Variants in ZNHIT6 observed in about 807,000 individuals in gnomAD.
ZNHIT6 encodes the protein zinc finger HIT-type containing 6.
In ZNHIT6, 45 loss-of-function variants were observed where a neutral mutation model predicts 57.2. That is an observed-to-expected ratio of 0.79 (90% CI 0.62 to 1.01). The LOEUF (loss-of-function observed/expected upper bound fraction) is 1.01, where lower values mean the gene tolerates loss of function less well. Ranked by LOEUF, ZNHIT6 falls within the 50% of genes least tolerant of loss-of-function variation. The pLI is 0.00. For synonymous variants in ZNHIT6, 188 were observed against 190.0 expected, an observed-to-expected ratio of 0.99 and a Z score of 0.09; for missense variants, 528 against 567.3, an observed-to-expected ratio of 0.93 and a Z score of 0.70.
chr1:85,667,961 A>AAAAAAAAAAAAAAAATGTATATAT lies in ZNHIT6; in HGVS notation c.1247+9274_1247+9275insATATATACATTTTTTTTTTTTTTT. On this transcript the variant is annotated intron_variant, in intron 8 of 9. Transcript: ENST00000370574. ...ACTCTCTCTTTCAAAAAAAAAAAAA[A>AAAAAAAAAAAAAAAATGTATATAT]ATATATATATATATATATATATATG... Among the ~76,000 whole-genome samples the AAAAAAAAAAAAAAAATGTATATAT allele has an allele frequency of 4.9e-4, 9 of 18,200 alleles. 4 individuals are homozygous for AAAAAAAAAAAAAAAATGTATATAT. Among genetic ancestry groups the AAAAAAAAAAAAAAAATGTATATAT allele is most frequent in the African/African-American group, 6.4e-4 (3 of 4,710 alleles). The allele number at this position is 18,200 out of a possible 152,430, so 11.9% of individuals were successfully genotyped here.
rs898447377 is a variant in ZNHIT6 at position 85,707,982 on chromosome 1, C to T, written c.303G>A (p.Val101=). 2 of 1,614,036 alleles carry T rather than the reference C, an allele frequency of 1.2e-6. No individual in the cohort carries two copies. The highest frequency in any genetic ancestry group is 1.7e-5 in the Admixed American group (1 of 59,994). The change falls in exon 1 of 10, where the codon GTG becomes GTA. Residue 101 remains valine (V), a synonymous_variant. Coordinates refer to ENST00000370574, the MANE Select transcript of ZNHIT6 (RefSeq NM_017953.4). ...CATCCTTCACCTCAGGCCTATCCTC[C>T]ACCTCCTGTTCTACCCACTGGCCAG... ...RLAGQWVEQE[V]EDRPEVKDEN...
intron 5 of ZNHIT6, among the ~76,000 whole-genome samples, chr1:85,690,639 T>G (rs968172252): frequency 1.3e-5 from 2 of 152,166 alleles, no homozygotes; most frequent in African/African-American, 4.8e-5. Context: ...CTGACTGAAC[T>G]AATTGAGAAT....
rs1343093891 is a variant in ZNHIT6 at position 85,649,532 on chromosome 1, G to A, written c.*4526C>T. On this transcript the variant is annotated 3_prime_UTR_variant, in exon 10 of 10. Coordinates refer to ENST00000370574, the MANE Select transcript of ZNHIT6 (RefSeq NM_017953.4). ...GGTTCTAAAGTTCAAAATGAGTACA[G>A]TACATCACACTCCAGTATGGAAAAT... 1.3e-5 allele frequency: 2 copies of A among 152,142 alleles called. No homozygotes were observed. The highest frequency in any genetic ancestry group is 4.8e-5 in the African/African-American group (2 of 41,422). The allele number at this position is 152,142 out of a possible 1,614,324, so 9.4% of individuals were successfully genotyped here. A position where few individuals can be genotyped will look rare whatever the true frequency, so the allele number is the denominator to read the frequency against.
intron 5 of ZNHIT6, among the ~76,000 whole-genome samples, chr1:85,693,188 T>C (rs1294735588): frequency 6.6e-6 from 1 of 152,066 alleles, no homozygotes; most frequent in Non-Finnish European, 1.5e-5. Context: ...AGGTCAAAAA[T>C]TGGGTCCATT....
chr1:85,685,048 G>T (rs1661989085), intron 5 of ZNHIT6, among the ~76,000 whole-genome samples: 1 of 152,174 alleles, frequency 6.6e-6, no homozygotes, highest in Non-Finnish European at 1.5e-5. Context: ...CTAAGGAAGT[G>T]TGGCAAAAGT....
chr1:85,675,421 TTTCTGAGCAGTAGACTTAAAATA>T (rs1661674358), intron 8 of ZNHIT6, among the ~76,000 whole-genome samples: 1 of 152,216 alleles, frequency 6.6e-6, no homozygotes, highest in African/African-American at 2.4e-5. Context: ...CAAACTTTTT[TTTCTGAGCAGTAGACTTAAAATA>T]TTCAGTAAAC....
At chr1:85,695,634 T>C (rs1282913789) in intron 5 of ZNHIT6, among the ~76,000 whole-genome samples, 2 of 152,234 alleles carry the variant, frequency 1.3e-5, no homozygotes, top group East Asian at 1.9e-4. Flanking sequence ...TAGAGTAACA[T>C]GTAATGCCCT....
At chr1:85,675,919 C>T (rs1045001277) in intron 8 of ZNHIT6, among the ~76,000 whole-genome samples, 4 of 152,218 alleles carry the variant, frequency 2.6e-5, no homozygotes, top group African/African-American at 9.6e-5. Flanking sequence ...TCCCTCACCT[C>T]TCTCAGCCTT....
At chr1:85,679,049 C>T (rs1258373502) in intron 6 of ZNHIT6, among the ~76,000 whole-genome samples, 1 of 152,038 alleles carries the variant, frequency 6.6e-6, no homozygotes, top group Non-Finnish European at 1.5e-5. Flanking sequence ...TATGAAGCCT[C>T]TTAACACACA....
At chr1:85,675,412 A>G (rs2100672942) in intron 8 of ZNHIT6, among the ~76,000 whole-genome samples, 1 of 152,328 alleles carries the variant, frequency 6.6e-6, no homozygotes, top group South Asian at 2.1e-4. Flanking sequence ...TTTTGAAAAC[A>G]AACTTTTTTT....
Position 85,653,756 on chromosome 1 carries a change from A to C in ZNHIT6, c.*302T>G. The C allele has an allele frequency of 3.8e-6, 1 of 260,398 alleles. No individual in the cohort carries two copies. Among genetic ancestry groups the C allele is most frequent in the Non-Finnish European group, 7.1e-6 (1 of 139,886 alleles). 16.1% of individuals were successfully genotyped at this position (260,398 alleles called of 1,614,324 possible). A position where few individuals can be genotyped will look rare whatever the true frequency, so the allele number is the denominator to read the frequency against. ...CCCCATCTCAAAAAAAGAAAGAAAA[A>C]AGAAAAAAAAAGTTTTCAGTTTATG... On this transcript the variant is annotated 3_prime_UTR_variant, in exon 10 of 10. Coordinates refer to ENST00000370574, the MANE Select transcript of ZNHIT6 (RefSeq NM_017953.4).
At position 85,657,887 on chromosome 1, in the gene ZNHIT6, T is replaced by C. The variant is rs973251032; in HGVS notation, c.1332A>G (p.Val444=). ...TCATGTCATTATTGGATCCTTTCAA[T>C]ACCACATGTAATGTTGGATACTCAA... ...VIIEYPTLHV[V]LKGSNNDMKV... Residue 444 remains valine (V), a synonymous_variant, in exon 9 of 10, where the codon GTA becomes GTG. Transcript: ENST00000370574. 2.7e-5 allele frequency: 44 copies of C among 1,608,348 alleles called. No individual in the cohort carries two copies. Among genetic ancestry groups the C allele is most frequent in the Admixed American group, 6.7e-5 (4 of 59,604 alleles).
chr1:85,696,082 C>G (rs562286916), intron 5 of ZNHIT6, among the ~76,000 whole-genome samples: 1 of 152,036 alleles, frequency 6.6e-6, no homozygotes, highest in Non-Finnish European at 1.5e-5. Flanking sequence ...TTTTTCTTAT[C>G]TAACAGACAC....
chr1:85,669,811 C>T (rs906757079), intron 8 of ZNHIT6, among the ~76,000 whole-genome samples: 25 of 152,120 alleles, frequency 1.6e-4, no homozygotes, highest in African/African-American at 1.4e-4. Flanking sequence ...CTATCTTTTG[C>T]GGTATTTATC....
chr1:85,666,119 C>CTAT (rs1436922562), intron 8 of ZNHIT6, among the ~76,000 whole-genome samples: 1 of 151,944 alleles, frequency 6.6e-6, no homozygotes, highest in Non-Finnish European at 1.5e-5. Context: ...CAATGGTGTA[C>CTAT]TATAAGGAAT....
At chr1:85,688,229 T>A (rs1662120643) in intron 5 of ZNHIT6, among the ~76,000 whole-genome samples, 1 of 152,148 alleles carries the variant, frequency 6.6e-6, no homozygotes, top group African/African-American at 2.4e-5. Flanking sequence ...TAAAATATTA[T>A]TATTTCATTT....
intron 7 of ZNHIT6, among the ~76,000 whole-genome samples, chr1:85,678,007 A>G (rs1441124917): frequency 1.5e-5 from 2 of 136,982 alleles, no homozygotes; most frequent in African/African-American, 5.1e-5. Flanking sequence ...TAACAACCCT[A>G]TCTAGGAAGT....
chr1:85,692,269 C>T lies in ZNHIT6; in HGVS notation c.1019+9888G>A, dbSNP rs1470710127. 5.9e-5 allele frequency among the ~76,000 whole-genome samples: 9 copies of T among 152,184 alleles called. No individual in the cohort carries two copies. The South Asian group carries it at 1.0e-3, about 18-fold the overall frequency. On this transcript the variant is annotated intron_variant, in intron 5 of 9. Transcript: ENST00000370574. Reference sequence around the variant, plus strand: ...AAAGGCTTCCTTAACTGAATCAGTTCGGGAACCTCAAGATGATCGAGTGTT... The same window carrying T: ...AAAGGCTTCCTTAACTGAATCAGTTTGGGAACCTCAAGATGATCGAGTGTT...
intron 9 of ZNHIT6, among the ~76,000 whole-genome samples, chr1:85,654,814 T>C (rs544209201): frequency 6.6e-6 from 1 of 152,346 alleles, no homozygotes; most frequent in African/African-American, 2.4e-5. Context: ...TAATAGGTAG[T>C]AACTCTTTAA....
Sources: gnomAD v4.1 joint callset for allele counts (sites outside exome capture counted in the v4.1 genomes callset) on GRCh38, gnomAD v4.1.1 for gene constraint, MANE v1.5 for transcripts, NCBI Gene and HGNC (gene_info 2026-07-23, HGNC 2026-07-21) for gene names.